HIPK3: variants seen among roughly 807,000 people sequenced by gnomAD.
HIPK3 encodes the protein homeodomain interacting protein kinase 3.
In HIPK3, 47 loss-of-function variants were observed where a neutral mutation model predicts 124.2. That is an observed-to-expected ratio of 0.38 (90% CI 0.30 to 0.48). The LOEUF (loss-of-function observed/expected upper bound fraction) is 0.48, where lower values mean the gene tolerates loss of function less well. HIPK3 is among the 20% of genes least tolerant of loss of function. The pLI is 0.98. For missense variants in HIPK3, 1,286 were observed against 1,454.3 expected (o/e 0.88, Z 1.88); for synonymous variants, 482 against 515.2 (o/e 0.94, Z 0.87).
At chr11:33,280,367 A>G (rs1283886143) in intron 1 of HIPK3, among the ~76,000 whole-genome samples, 2 of 152,216 alleles carry the variant, frequency 1.3e-5, no homozygotes, top group East Asian at 1.9e-4. Flanking sequence ...CATAAACACC[A>G]GATACTAGCA....
At chr11:33,258,720 C>G (rs1188351652) in intron 1 of HIPK3, 1 of 985,102 alleles carries the variant, frequency 1.0e-6, no homozygotes, top group Non-Finnish European at 1.2e-6. Context: ...TCCTGTTGTT[C>G]CCGTCTCATC....
intron 1 of HIPK3, among the ~76,000 whole-genome samples, chr11:33,269,412 A>G (rs916138103): frequency 1.3e-5 from 2 of 152,208 alleles, no homozygotes; most frequent in Non-Finnish European, 2.9e-5. Flanking sequence ...TGTGGGCTTC[A>G]TCCAGAATTG....
chr11:33,303,557 A>C (rs544801205), intron 2 of HIPK3, among the ~76,000 whole-genome samples: 1 of 152,336 alleles, frequency 6.6e-6, no homozygotes, highest in South Asian at 2.1e-4. Context: ...AAAAGTGCAT[A>C]TAGCTTCATG....
chr11:33,332,288 T>C (rs895937235), intron 3 of HIPK3, among the ~76,000 whole-genome samples: 1 of 152,230 alleles, frequency 6.6e-6, no homozygotes, highest in Admixed American at 6.5e-5. Flanking sequence ...TTTCCGTTTA[T>C]ATAGACATCT....
intron 2 of HIPK3, among the ~76,000 whole-genome samples, chr11:33,294,604 A>ATT (rs150040759): frequency 3.3e-5 from 5 of 151,460 alleles, no homozygotes; most frequent in African/African-American, 4.8e-5. Flanking sequence ...TGTTTAAACT[A>ATT]TTTTTTTTTC....
At chr11:33,270,528 A>G (rs1851097124) in intron 1 of HIPK3, among the ~76,000 whole-genome samples, 1 of 152,252 alleles carries the variant, frequency 6.6e-6, no homozygotes, top group African/African-American at 2.4e-5. Context: ...TTAAAAAGAA[A>G]GAATGTGTAA....
At chr11:33,336,973 C>A in intron 3 of HIPK3, 102 bp from the exon 4 acceptor site, 1 of 736,860 alleles carries the variant, frequency 1.4e-6, no homozygotes, top group Non-Finnish European at 2.2e-6. Flanking sequence ...AGGGCATAGA[C>A]TATGTATTTT....
At chr11:33,328,095 G>A (rs1241360822) in intron 2 of HIPK3, among the ~76,000 whole-genome samples, 1 of 152,016 alleles carries the variant, frequency 6.6e-6, no homozygotes, top group Non-Finnish European at 1.5e-5. Context: ...TAGCCTTTGA[G>A]GATTTTGCTT....
Position 33,286,742 on chromosome 11 carries a change from G to T in HIPK3, c.328G>T (p.Gly110Trp), listed in dbSNP as rs1851565573. ...AGCTCACGTGCAGGCACCTCAGATT[G>T]GGGCGTGGCGAAACAGATTGCATTT... ...QQAHVQAPQI[G>W]AWRNRLHFLE... Residue 110 changes from glycine (G) to tryptophan (W), a missense_variant, in exon 2 of 17, where the codon GGG becomes TGG. Around this residue, in one of 3 missense-constraint regions of HIPK3, gnomAD observed 225 missense variants for 240.3 expected, o/e 0.94. Transcript: ENST00000303296. The T allele has an allele frequency of 6.2e-7, 1 of 1,613,968 alleles. No homozygotes were observed. The highest frequency in any genetic ancestry group is 1.1e-5 in the South Asian group (1 of 91,090).
chr11:33,292,469 G>A (rs1318426816), intron 2 of HIPK3, among the ~76,000 whole-genome samples: 2 of 152,150 alleles, frequency 1.3e-5, no homozygotes, highest in African/African-American at 4.8e-5. Flanking sequence ...CTCCGAGCCT[G>A]ATCTGAGGGG....
chr11:33,258,724 T>C, intron 1 of HIPK3: 1 of 985,142 alleles, frequency 1.0e-6, no homozygotes. Context: ...GTTGTTCCCG[T>C]CTCATCTCTG....
chr11:33,269,455 T>TTA (rs1851062540), intron 1 of HIPK3, among the ~76,000 whole-genome samples: 1 of 152,202 alleles, frequency 6.6e-6, no homozygotes, highest in Non-Finnish European at 1.5e-5. Flanking sequence ...GTCCAAAAAC[T>TTA]TAAAGTTCTG....
intron 2 of HIPK3, among the ~76,000 whole-genome samples, chr11:33,314,654 T>TCACA (rs369474312): frequency 6.6e-6 from 1 of 151,520 alleles, no homozygotes. Context: ...AGACTCCATC[T>TCACA]CACACACACA....
chr11:33,336,965 G>GTAT (rs1449830744), intron 3 of HIPK3, 110 bp from the exon 4 acceptor site: 5 of 679,920 alleles, frequency 7.4e-6, no homozygotes, highest in Non-Finnish European at 1.2e-5. Flanking sequence ...ATTTCTTGAG[G>GTAT]GCATAGACTA....
chr11:33,321,910 G>A (rs2133958877), intron 2 of HIPK3, among the ~76,000 whole-genome samples: 1 of 152,262 alleles, frequency 6.6e-6, no homozygotes, highest in African/African-American at 2.4e-5. Context: ...CTATTTAGGT[G>A]ATTTTTATTA....
Position 33,338,842 on chromosome 11 carries a change from A to G in HIPK3, c.1427A>G (p.His476Arg). 2 of 1,605,310 alleles carry G rather than the reference A, an allele frequency of 1.2e-6. No individual in the cohort carries two copies. Among genetic ancestry groups the G allele is most frequent in the Non-Finnish European group, 1.7e-6 (2 of 1,172,926 alleles). The change falls in exon 5 of 17, where the codon CAT (histidine) becomes CGT (arginine). Residue 476 changes from histidine (H) to arginine (R), a missense_variant and splice_region_variant. His to Arg is a conservative substitution (Grantham distance 29). Coordinates refer to ENST00000303296, the MANE Select transcript of HIPK3 (RefSeq NM_005734.5). ...YIFNSLDDVA[H>R]VNTVMDLEGS... ...TTCAACAGTCTGGATGATGTAGCGC[A>G]TGTGAGTACCATAGCCACATTTGTT...
intron 2 of HIPK3, among the ~76,000 whole-genome samples, chr11:33,291,861 A>T (rs575972367): frequency 4.6e-5 from 7 of 152,206 alleles, no homozygotes; most frequent in Non-Finnish European, 1.0e-4. Flanking sequence ...CTACTGAGTA[A>T]TTTAGCATTA....
At position 33,349,038 on chromosome 11, in the gene HIPK3, A is replaced by C. The variant is rs563826464; in HGVS notation, c.2667-109A>C. The C allele has an allele frequency of 1.9e-5, 20 of 1,073,228 alleles. 1 individual carries two copies. The highest frequency in any genetic ancestry group is 3.0e-4 in the Middle Eastern group (1 of 3,388). 66.5% of individuals were successfully genotyped at this position (1,073,228 alleles called of 1,614,324 possible). ...GTAAGCTTTAACTTTTTGTCCATGT[A>C]GGTCATTCTTAACAGTTTCATATCC... On this transcript the variant is annotated intron_variant, in intron 13 of 16. Transcript: ENST00000303296.
At chr11:33,257,265 G>C (rs1850688306), upstream of HIPK3, 1 of 983,122 alleles carries the variant, frequency 1.0e-6, no homozygotes, top group Non-Finnish European at 1.2e-6. Flanking sequence ...GCCGCGGCCG[G>C]AGCGGAGCGG....
Sources: allele counts gnomAD v4.1 joint callset (sites outside exome capture counted in the v4.1 genomes callset), GRCh38; gene constraint gnomAD v4.1.1; regional missense constraint gnomAD v4.1.1; transcripts MANE v1.5; gene names NCBI Gene and HGNC (gene_info 2026-07-23, HGNC 2026-07-21).